PMS2: variants seen among roughly 807,000 people sequenced by gnomAD.
PMS2 encodes PMS1 homolog 2, mismatch repair system component.
A neutral mutation model predicts 90.0 loss-of-function variants in PMS2; 69 were observed. That is an observed-to-expected ratio of 0.77 (90% confidence interval 0.63 to 0.94). PMS2 has a LOEUF of 0.94. Among genes scored for constraint, PMS2 ranks in the 40% least tolerant of loss-of-function variants. The pLI, the probability that PMS2 is intolerant of heterozygous loss-of-function variation, is 0.00. For missense variants in PMS2, 966 were observed against 1,040.2 expected, an observed-to-expected ratio of 0.93 and a Z score of 0.98; for synonymous variants, 332 against 375.1, an observed-to-expected ratio of 0.89 and a Z score of 1.33.
In PMS2 at chr7:5,987,421, T is replaced by A. The variant is rs759192470; in HGVS notation, c.1344A>T (p.Gly448=). ...TAGAAGACAGCATACCCCTTTTCTG[T>A]CCTAGAGGGCTCCTTCTTGGTTCTG... ...KTPEPRRSPL[G]QKRGMLSSST... Residue 448 remains glycine, a synonymous_variant, in exon 11 of 15, where the codon GGA becomes GGT. Transcript: ENST00000265849. The A allele has an allele frequency of 1.6e-5, 26 of 1,614,168 alleles. No homozygotes were observed. The Middle Eastern group carries it at 4.9e-4, about 31-fold the overall frequency.
intron 12 of PMS2, among the ~76,000 whole-genome samples, chr7:5,979,050 G>C (rs1281168600): frequency 6.8e-6 from 1 of 147,942 alleles, no homozygotes; most frequent in African/African-American, 2.6e-5. Context: ...TAAAAATTAG[G>C]CCAGGCATGG....
At chr7:5,990,842 C>G (rs147347109) in intron 9 of PMS2, among the ~76,000 whole-genome samples, 1 of 152,044 alleles carries the variant, frequency 6.6e-6, no homozygotes, top group East Asian at 1.9e-4. Flanking sequence ...GGCGAAACCC[C>G]GTCTCTACTA....
intron 5 of PMS2, among the ~76,000 whole-genome samples, chr7:6,000,977 T>A (rs1055455158): frequency 9.9e-5 from 15 of 151,964 alleles, no homozygotes; most frequent in African/African-American, 3.6e-4. Context: ...GGCGACAGAG[T>A]GAGAAGACTC....
Position 5,997,349 on chromosome 7 carries a change from G to T in PMS2, c.780C>A (p.Ser260=), listed in dbSNP as rs1805319. The change falls in exon 7 of 15, where the codon TCC becomes TCA. Residue 260 remains serine (S), a synonymous_variant. Coordinates refer to ENST00000265849, the MANE Select transcript of PMS2 (RefSeq NM_000535.7). ...ACTAAAAAAGATTATGCAGAGCATCGGAACAGCTCAAACCGTACTCTTCAC... is the reference window on the plus strand; with the variant it reads ...ACTAAAAAAGATTATGCAGAGCATCTGAACAGCTCAAACCGTACTCTTCAC... ...SVCEEYGLSC[S]DALHNLFYIS... is the part of the protein sequence containing the mutation. The T allele has an allele frequency of 3.1e-6, 5 of 1,590,906 alleles. No individual in the cohort carries two copies. Among genetic ancestry groups the T allele is most frequent in the East Asian group, 2.2e-5 (1 of 44,736 alleles).
intron 10 of PMS2, among the ~76,000 whole-genome samples, chr7:5,988,066 A>C (rs1314967811): frequency 2.7e-5 from 4 of 150,834 alleles, no homozygotes; most frequent in Admixed American, 1.3e-4. Context: ...AAAAAAAAAA[A>C]AAAAAAAAAA....
chr7:5,993,862 CAAAAAAAAAAAAA>C (rs61677497), intron 8 of PMS2, among the ~76,000 whole-genome samples: 2 of 38,940 alleles, frequency 5.1e-5, no homozygotes, highest in Non-Finnish European at 8.1e-5. Context: ...GACTCTGTCT[CAAAAAAAAAAAAA>C]AAAAAAAAAA....
intron 11 of PMS2, 76 bp downstream of exon 11, chr7:5,986,683 C>T (rs967448227): frequency 5.0e-6 from 6 of 1,192,598 alleles, no homozygotes; most frequent in East Asian, 2.6e-5. Flanking sequence ...CAGAGCAAGA[C>T]TCTGTCTCAA....
At chr7:5,987,705 A>C in intron 10 of PMS2, 85 bp from the exon 11 acceptor site, 1 of 949,548 alleles carries the variant, frequency 1.1e-6, no homozygotes, top group Non-Finnish European at 1.7e-6. Context: ...TACTTCACAA[A>C]AGAGGAGATC....
At chr7:5,993,258 C>T (rs1348993312) in intron 8 of PMS2, among the ~76,000 whole-genome samples, 1 of 151,282 alleles carries the variant, frequency 6.6e-6, no homozygotes, top group Non-Finnish European at 1.5e-5. Context: ...ATAATCCCAG[C>T]TACTTGAGAG....
intron 12 of PMS2, among the ~76,000 whole-genome samples, chr7:5,981,816 G>A (rs558482817): frequency 6.6e-6 from 1 of 151,794 alleles, no homozygotes; most frequent in Non-Finnish European, 1.5e-5. Context: ...CTTGTGGAAT[G>A]GTGATGGTAA....
chr7:6,005,047 G>A (rs1310036253), intron 2 of PMS2, among the ~76,000 whole-genome samples: 2 of 151,874 alleles, frequency 1.3e-5, no homozygotes, highest in Non-Finnish European at 2.9e-5. Flanking sequence ...TGAGATTACA[G>A]CCATGCACCA....
upstream of PMS2, chr7:6,009,054 A>T: frequency 6.2e-7 from 1 of 1,611,178 alleles, no homozygotes; most frequent in Non-Finnish European, 8.5e-7. Flanking sequence ...GGGACTGGGA[A>T]AGTTCCCTCC....
At chr7:6,000,267 G>C (rs547097394) in intron 5 of PMS2, among the ~76,000 whole-genome samples, 2 of 151,718 alleles carry the variant, frequency 1.3e-5, no homozygotes, top group East Asian at 3.9e-4. Flanking sequence ...CCAGCTACTT[G>C]GGAGGCTGAA....
At position 5,989,675 on chromosome 7, in the gene PMS2, A is replaced by G. The variant is rs1783493798; in HGVS notation, c.1144+125T>C. 7 of 725,744 alleles carry G rather than the reference A, an allele frequency of 9.6e-6. No homozygotes were observed. The Admixed American group carries it at 1.7e-4, about 18-fold the overall frequency. The allele number at this position is 725,744 out of a possible 1,614,324, so 45.0% of individuals were successfully genotyped here. A position where few individuals can be genotyped will look rare whatever the true frequency, so the allele number is the denominator to read the frequency against. On this transcript the variant is annotated intron_variant, in intron 10 of 14. Transcript: ENST00000265849. Reference sequence around the variant, plus strand: ...GAGCAAGTCCCTGTCTCAAAAAAGAATTAAAAATGATAAAATAATATAAGA... The same window carrying G: ...GAGCAAGTCCCTGTCTCAAAAAAGAGTTAAAAATGATAAAATAATATAAGA...
At chr7:5,984,785 C>T (rs1485924532) in intron 11 of PMS2, among the ~76,000 whole-genome samples, 1 of 145,060 alleles carries the variant, frequency 6.9e-6, no homozygotes, top group African/African-American at 2.6e-5. Flanking sequence ...ACTCTTGTCT[C>T]AAAAAAAAAA....
Position 6,006,022 on chromosome 7 carries a change from A to T in PMS2, c.33T>A (p.Pro11=), listed in dbSNP as rs780178572. MERAESSSTE[P]AKAIKPIDRK... Reference sequence around the variant, plus strand: ...GATCAATAGGTTTGATGGCCTTAGCAGGTTCTGTACTAGAGAAATCAGTTA... The same window carrying T: ...GATCAATAGGTTTGATGGCCTTAGCTGGTTCTGTACTAGAGAAATCAGTTA... The change falls in exon 2 of 15, where the codon CCT becomes CCA. Residue 11 remains proline, a synonymous_variant. Coordinates refer to ENST00000265849, the MANE Select transcript of PMS2 (RefSeq NM_000535.7). 6.2e-6 allele frequency: 10 copies of T among 1,610,646 alleles called. No individual in the cohort carries two copies. Among genetic ancestry groups the T allele is most frequent in the Non-Finnish European group, 7.6e-6 (9 of 1,179,774 alleles).
Position 5,987,305 on chromosome 7 carries a change from C to G in PMS2, c.1460G>C (p.Arg487Thr), listed in dbSNP as rs1783084707. Residue 487 changes from arginine (R) to threonine (T), a missense_variant, in exon 11 of 15, where the codon AGA becomes ACA. Physicochemically the swap from Arg to Thr is moderately conservative, Grantham distance 71. Coordinates refer to ENST00000265849, the MANE Select transcript of PMS2 (RefSeq NM_000535.7). ...SSHGPSDPTD[R>T]AEVEKDSGHG... Reference sequence around the variant, plus strand: ...CCCCGAGTCCTTCTCCACCTCCGCTCTGTCCGTAGGGTCACTGGGTCCGTG... The same window carrying G: ...CCCCGAGTCCTTCTCCACCTCCGCTGTGTCCGTAGGGTCACTGGGTCCGTG... The G allele has an allele frequency of 2.5e-6, 4 of 1,614,170 alleles. No individual in the cohort carries two copies. Among genetic ancestry groups the G allele is most frequent in the African/African-American group, 1.3e-5 (1 of 75,030 alleles).
rs1401221727 is a variant in PMS2, at chr7:5,989,960, G to A, written c.989-5C>T. ...TAACATTGATATCAACGCATTCTAA[G>A]GCAAAAAAGAAAACATATTTATTAT... On this transcript the variant is annotated splice_polypyrimidine_tract_variant and splice_region_variant and intron_variant, in intron 9 of 14. Coordinates refer to ENST00000265849, the MANE Select transcript of PMS2 (RefSeq NM_000535.7). 2.6e-6 allele frequency: 4 copies of A among 1,566,938 alleles called. No homozygotes were observed. Among genetic ancestry groups the A allele is most frequent in the Non-Finnish European group, 1.7e-6 (2 of 1,143,660 alleles).
At chr7:5,980,773 C>A (rs1380675288) in intron 12 of PMS2, among the ~76,000 whole-genome samples, 1 of 135,670 alleles carries the variant, frequency 7.4e-6, no homozygotes, top group Non-Finnish European at 1.6e-5. Flanking sequence ...AACACAAAAA[C>A]AAAAAACCTC....
Sources: allele counts gnomAD v4.1 joint callset (sites outside exome capture counted in the v4.1 genomes callset), GRCh38; gene constraint gnomAD v4.1.1; transcripts MANE v1.5; gene names NCBI Gene and HGNC (gene_info 2026-07-23, HGNC 2026-07-21).